Variants in ZBTB41 observed in about 807,000 individuals in gnomAD.
ZBTB41 encodes the protein zinc finger and BTB domain containing 41.
Under a neutral mutation model 87.6 loss-of-function variants are expected in ZBTB41, and 42 were observed. That is an observed-to-expected ratio of 0.48 (90% CI 0.37 to 0.62). The LOEUF (loss-of-function observed/expected upper bound fraction) is 0.62. Ranked by LOEUF, ZBTB41 falls within the 20% of genes least tolerant of loss-of-function variation. The probability of loss-of-function intolerance (pLI) is 0.00; values close to 1 mark genes in which losing one functional copy is unlikely to be tolerated. For missense variants in ZBTB41, 799 were observed against 1,078.9 expected (o/e 0.74, Z 3.63); for synonymous variants, 364 against 364.0 (o/e 1.00, Z 0.00).
chr1:197,181,669 T>C (rs909113680), intron 5 of ZBTB41, among the ~76,000 whole-genome samples: 4 of 152,062 alleles, frequency 2.6e-5, no homozygotes, highest in African/African-American at 9.7e-5. Flanking sequence ...GTTTAGTAAA[T>C]ACAGCTCAAA....
chr1:197,162,110 A>G (rs922382844), intron 10 of ZBTB41, among the ~76,000 whole-genome samples: 2 of 152,188 alleles, frequency 1.3e-5, no homozygotes, highest in Non-Finnish European at 2.9e-5. Context: ...AGTAGTTTCC[A>G]TTATCATTTT....
chr1:197,199,778 G>T lies in ZBTB41; in HGVS notation c.696C>A (p.Ser232=). The T allele has an allele frequency of 6.2e-7, 1 of 1,613,020 alleles. No homozygotes were observed. The highest frequency in any genetic ancestry group is 8.5e-7 in the Non-Finnish European group (1 of 1,179,710). Residue 232 remains serine, a synonymous_variant, in exon 2 of 11, where the codon TCC becomes TCA. Coordinates refer to ENST00000367405, the MANE Select transcript of ZBTB41 (RefSeq NM_194314.3). The part of the protein sequence containing the change: ...LENHLAKTHR[S]LLLGKKHGLK... ...ACCCATGTTTTTTCCCTAATAAAAG[G>T]GACCTATGGGTTTTAGCCAAATGAT...
In ZBTB41 at chr1:197,199,707, T is replaced by A. The variant is rs1223098835; in HGVS notation, c.767A>T (p.Asn256Ile). Residue 256 changes from asparagine (N) to isoleucine (I), a missense_variant, in exon 2 of 11, where the codon AAT (asparagine) becomes ATT (isoleucine). Physicochemically the swap from Asn to Ile is moderately radical, Grantham distance 149 (BLOSUM62 -3). Transcript: ENST00000367405. ...ATCAAACTTAACAGGGCACTTCCGA[T>A]TCCTTTTTGATCTTCTTGCGGAGAA... ...RSFSARRSKR[N>I]RKCPVKFDDT... 9 of 1,613,452 alleles carry A rather than the reference T, an allele frequency of 5.6e-6. No homozygotes were observed. Among genetic ancestry groups the A allele is most frequent in the Non-Finnish European group, 7.6e-6 (9 of 1,179,912 alleles).
chr1:197,169,371 A>G (rs572130573), intron 10 of ZBTB41, among the ~76,000 whole-genome samples: 2 of 152,200 alleles, frequency 1.3e-5, no homozygotes, highest in African/African-American at 4.8e-5. Flanking sequence ...AGTCATATGA[A>G]GATGAAAATG....
intron 9 of ZBTB41, among the ~76,000 whole-genome samples, chr1:197,173,295 C>G (rs1659521587): frequency 1.3e-5 from 2 of 152,102 alleles, no homozygotes; most frequent in South Asian, 4.1e-4. Context: ...CATACTATGC[C>G]TAGGATTTTA....
intron 2 of ZBTB41, among the ~76,000 whole-genome samples, chr1:197,195,884 G>A (rs10754218): frequency 0.61 from 92,624 of 151,908 alleles, 31,635 homozygotes; most frequent in East Asian, 0.91. Context: ...GCAAAGTAAT[G>A]GAATCAAATT....
Position 197,157,850 on chromosome 1 carries a change from CTGTTT to C in ZBTB41, c.*1504_*1508del, listed in dbSNP as rs1406356664. ...TTAAACTTTATTCATTAAAACTTCA[CTGTTT>C]TATTTGTGATTTTTTTTTTCACAAG... is the stretch of plus-strand genomic sequence containing the variant. On this transcript the variant is annotated 3_prime_UTR_variant, in exon 11 of 11. Coordinates refer to ENST00000367405, the MANE Select transcript of ZBTB41 (RefSeq NM_194314.3). 1.3e-5 allele frequency: 2 copies of C among 152,144 alleles called. No homozygotes were observed. The highest frequency in any genetic ancestry group is 6.6e-5 in the Admixed American group (1 of 15,220). The allele number at this position is 152,144 out of a possible 1,614,324, so 9.4% of individuals were successfully genotyped here.
intron 8 of ZBTB41, among the ~76,000 whole-genome samples, chr1:197,175,404 A>G (rs562014239): frequency 8.9e-6 from 1 of 112,930 alleles, no homozygotes; most frequent in Non-Finnish European, 1.9e-5. Context: ...AAGATAAACG[A>G]AACTACTTCA....
At chr1:197,165,494 C>T (rs2125124356) in intron 10 of ZBTB41, among the ~76,000 whole-genome samples, 1 of 151,900 alleles carries the variant, frequency 6.6e-6, no homozygotes, top group South Asian at 2.1e-4. Flanking sequence ...CCTGTAGTCC[C>T]AGCTACTCAG....
rs756219081 is a variant in ZBTB41, at chr1:197,199,973, A to C, written c.501T>G (p.Ile167Met). The C allele has an allele frequency of 1.9e-6, 3 of 1,613,430 alleles. No homozygotes were observed. The highest frequency in any genetic ancestry group is 2.5e-6 in the Non-Finnish European group (3 of 1,179,844). ...TATTTAACAACTTCACTGCATCTAT[A>C]ATGTCCAAAAATTTTGCAGCCTCTA... The part of the protein sequence containing the change: ...LVLEAAKFLD[I>M]IDAVKLLNNE... The change falls in exon 2 of 11, where the codon ATT becomes ATG. Residue 167 changes from isoleucine (I) to methionine (M), a missense_variant. Ile to Met is a conservative substitution (Grantham distance 10). Around this residue, in one of 5 missense-constraint regions of ZBTB41, gnomAD observed 294 missense variants for 340.1 expected, o/e 0.86. Transcript: ENST00000367405.
intron 5 of ZBTB41, among the ~76,000 whole-genome samples, chr1:197,184,956 A>G (rs1041846127): frequency 4.6e-5 from 7 of 152,110 alleles, no homozygotes; most frequent in African/African-American, 1.7e-4. Context: ...CTGGGATTAC[A>G]GGCGTCCGCC....
chr1:197,174,040 G>A (rs565884420), intron 9 of ZBTB41, among the ~76,000 whole-genome samples: 1 of 152,228 alleles, frequency 6.6e-6, no homozygotes, highest in East Asian at 1.9e-4. Flanking sequence ...TGAACAAAGT[G>A]ATATTTTCAA....
chr1:197,198,823 G>A (rs1451025281), intron 2 of ZBTB41, among the ~76,000 whole-genome samples: 1 of 152,046 alleles, frequency 6.6e-6, no homozygotes, highest in African/African-American at 2.4e-5. Context: ...ACTACCTAAA[G>A]TCTCTATCTA....
intron 1 of ZBTB41, among the ~76,000 whole-genome samples, 173 bp downstream of exon 1, chr1:197,201,050 A>C (rs1652775611): frequency 6.6e-6 from 1 of 152,230 alleles, no homozygotes; most frequent in South Asian, 2.1e-4. Flanking sequence ...CCACCCGGTG[A>C]GAGACGGCCC....
At chr1:197,174,886 C>T in intron 9 of ZBTB41, 124 bp downstream of exon 9, 1 of 626,232 alleles carries the variant, frequency 1.6e-6, no homozygotes, top group Non-Finnish European at 2.7e-6. Flanking sequence ...AGAGATGCTA[C>T]AGAATGTAGA....
intron 3 of ZBTB41, among the ~76,000 whole-genome samples, chr1:197,191,231 G>A (rs563293213): frequency 6.6e-6 from 1 of 151,868 alleles, no homozygotes; most frequent in Non-Finnish European, 1.5e-5. Context: ...AGGTCAAGGC[G>A]GGCAGATCAC....
At chr1:197,189,525 C>CA (rs768719439) in intron 4 of ZBTB41, among the ~76,000 whole-genome samples, 4,049 of 89,788 alleles carry the variant, frequency 0.045, 74 homozygotes, top group African/African-American at 0.081. Context: ...GACTCCGTCT[C>CA]AAAAAAAAAA....
chr1:197,166,082 C>A (rs971734079), intron 10 of ZBTB41, among the ~76,000 whole-genome samples: 14 of 152,080 alleles, frequency 9.2e-5, no homozygotes, highest in Non-Finnish European at 1.9e-4. Flanking sequence ...AGTACAAATA[C>A]CTGATGTAGG....
At chr1:197,174,955 T>A (rs1225378311) in intron 9 of ZBTB41, 55 bp downstream of exon 9, 9 of 1,436,606 alleles carry the variant, frequency 6.3e-6, no homozygotes, top group African/African-American at 1.4e-5. Context: ...AAGTTACAAC[T>A]TTCCTCAGAG....
Sources: allele counts gnomAD v4.1 joint callset (sites outside exome capture counted in the v4.1 genomes callset), GRCh38; gene constraint gnomAD v4.1.1; regional missense constraint gnomAD v4.1.1; transcripts MANE v1.5; gene names NCBI Gene and HGNC (gene_info 2026-07-23, HGNC 2026-07-21).